Variants in ALK observed in about 807,000 individuals in gnomAD.
ALK encodes ALK tyrosine kinase receptor.
ALK carries 74 observed loss-of-function variants against 163.1 expected under a neutral mutation model. The observed-to-expected ratio is 0.45, with a 90% CI of 0.38 to 0.55. The LOEUF is 0.55. Among genes scored for constraint, ALK ranks in the 20% least tolerant of loss-of-function variants. The probability of loss-of-function intolerance (pLI) is 0.00; values close to 1 mark genes in which losing one functional copy is unlikely to be tolerated. For synonymous variants in ALK, 960 were observed against 843.2 expected (o/e 1.14, Z -2.40); for missense variants, 2,063 against 2,105.3 (o/e 0.98, Z 0.39).
intron 5 of ALK, among the ~76,000 whole-genome samples, chr2:29,358,912 A>C (rs890756241): frequency 1.3e-5 from 2 of 152,192 alleles, no homozygotes; most frequent in Non-Finnish European, 2.9e-5. Flanking sequence ...TAAATGATTA[A>C]TAAATGTTTG....
chr2:29,399,742 G>A (rs538314513), intron 4 of ALK, among the ~76,000 whole-genome samples: 4 of 152,290 alleles, frequency 2.6e-5, no homozygotes, highest in Admixed American at 6.5e-5. Context: ...AGGGGCATGA[G>A]AGGGGCTTAT....
chr2:29,734,038 C>T (rs1679820352), intron 1 of ALK, among the ~76,000 whole-genome samples: 1 of 152,142 alleles, frequency 6.6e-6, no homozygotes, highest in Non-Finnish European at 1.5e-5. Flanking sequence ...AAGCATACAT[C>T]AGTTTCCCAA....
chr2:29,771,514 T>C (rs1681022320), intron 1 of ALK, among the ~76,000 whole-genome samples: 1 of 152,080 alleles, frequency 6.6e-6, no homozygotes, highest in Admixed American at 6.6e-5. Flanking sequence ...GGGCTATGAC[T>C]TGCACCCTGG....
chr2:29,844,861 A>G (rs1248988288), intron 1 of ALK, among the ~76,000 whole-genome samples: 8 of 41,612 alleles, frequency 1.9e-4, no homozygotes, highest in African/African-American at 4.0e-4. Flanking sequence ...ACCCCCCTGC[A>G]CACACACACA....
chr2:29,335,756 A>C (rs1327503566), intron 5 of ALK, among the ~76,000 whole-genome samples: 1 of 152,116 alleles, frequency 6.6e-6, no homozygotes, highest in Admixed American at 6.6e-5. Context: ...TGGTTTTAAA[A>C]TTTCTGGGTG....
chr2:29,453,484 C>T (rs1007324199), intron 4 of ALK, among the ~76,000 whole-genome samples: 1 of 152,044 alleles, frequency 6.6e-6, no homozygotes, highest in African/African-American at 2.4e-5. Context: ...AGTCCTCCTG[C>T]CTTGGTCTCC....
intron 1 of ALK, among the ~76,000 whole-genome samples, chr2:29,830,521 C>T (rs1665337520): frequency 6.6e-6 from 1 of 151,904 alleles, no homozygotes; most frequent in Non-Finnish European, 1.5e-5. Context: ...AAGACCCTTG[C>T]TATTCACAGT....
intron 1 of ALK, among the ~76,000 whole-genome samples, chr2:29,735,777 TG>T (rs1679875090): frequency 6.6e-6 from 1 of 152,032 alleles, no homozygotes; most frequent in South Asian, 2.1e-4. Flanking sequence ...TTTCTCCAGC[TG>T]CCATGTGAAT....
intron 4 of ALK, among the ~76,000 whole-genome samples, chr2:29,452,830 T>C (rs895343479): frequency 2.0e-5 from 3 of 152,158 alleles, no homozygotes; most frequent in Admixed American, 2.0e-4. Flanking sequence ...CTCCTCTCCA[T>C]AATGTAGAAC....
chr2:29,561,069 T>A (rs1378280564), intron 3 of ALK, among the ~76,000 whole-genome samples: 1 of 152,240 alleles, frequency 6.6e-6, no homozygotes, highest in African/African-American at 2.4e-5. Context: ...ATTGTTTACA[T>A]GTTGAAATAA....
chr2:29,681,881 C>G (rs1678081969), intron 3 of ALK, among the ~76,000 whole-genome samples: 1 of 152,100 alleles, frequency 6.6e-6, no homozygotes, highest in South Asian at 2.1e-4. Flanking sequence ...GTTGATCCAG[C>G]TTACTTTAAA....
intron 5 of ALK, among the ~76,000 whole-genome samples, chr2:29,368,462 A>T (rs891283541): frequency 6.6e-6 from 1 of 152,226 alleles, no homozygotes; most frequent in South Asian, 2.1e-4. Context: ...ATGAGTATGC[A>T]AATAAAATTT....
chr2:29,651,301 T>A (rs1245097626), intron 3 of ALK, among the ~76,000 whole-genome samples: 1 of 152,144 alleles, frequency 6.6e-6, no homozygotes, highest in East Asian at 1.9e-4. Context: ...GATACAAATG[T>A]TAATTTAAAG....
At chr2:29,618,617 C>T (rs1196137761) in intron 3 of ALK, among the ~76,000 whole-genome samples, 1 of 152,120 alleles carries the variant, frequency 6.6e-6, no homozygotes, top group Non-Finnish European at 1.5e-5. Flanking sequence ...TCCTCCCTAA[C>T]CCCTGGTGCA....
rs1024266594 is a variant in ALK at position 29,808,630 on chromosome 2, C to T, written c.668-90933G>A. 4.6e-5 allele frequency among the ~76,000 whole-genome samples: 7 copies of T among 152,304 alleles called. No homozygotes were observed. In the East Asian group the frequency reaches 7.7e-4, roughly 17 times the overall value. ...TCTCACTGGCCCGTGCTCCAAATCC[C>T]TGCTGCTCTGAATGCTCCCCCATAG... is the stretch of plus-strand genomic sequence containing the variant. On this transcript the variant is annotated intron_variant, in intron 1 of 28. Transcript: ENST00000389048.
intron 4 of ALK, among the ~76,000 whole-genome samples, chr2:29,464,776 T>C (rs1173622600): frequency 6.6e-6 from 1 of 152,194 alleles, no homozygotes; most frequent in African/African-American, 2.4e-5. Flanking sequence ...CTAAGCATCC[T>C]ATAATTCACA....
chr2:29,902,677 G>A (rs1402769916), intron 1 of ALK, among the ~76,000 whole-genome samples: 3 of 152,166 alleles, frequency 2.0e-5, no homozygotes, highest in Non-Finnish European at 4.4e-5. Flanking sequence ...ACTACAGGAA[G>A]ACAAACTGGA....
At chr2:29,638,668 C>A (rs1676615232) in intron 3 of ALK, among the ~76,000 whole-genome samples, 1 of 152,102 alleles carries the variant, frequency 6.6e-6, no homozygotes, top group African/African-American at 2.4e-5. Context: ...CCTTATCTCA[C>A]CCATGGAGTG....
chr2:29,692,321 A>G (rs1018117639), intron 3 of ALK, among the ~76,000 whole-genome samples: 5 of 152,180 alleles, frequency 3.3e-5, no homozygotes, highest in South Asian at 4.2e-4. Flanking sequence ...GCATTACCCA[A>G]TGAAATGGAA....
Sources: allele counts gnomAD v4.1 joint callset (sites outside exome capture counted in the v4.1 genomes callset), GRCh38; gene constraint gnomAD v4.1.1; transcripts MANE v1.5; gene names NCBI Gene and HGNC (gene_info 2026-07-23, HGNC 2026-07-21).